The following SLC13A3 variants were observed in gnomAD, a reference collection of about 807,000 sequenced individuals.
The protein encoded by SLC13A3 is Na(+)/dicarboxylate cotransporter 3.
In SLC13A3, 40 loss-of-function variants were observed where a neutral mutation model predicts 59.0. The observed-to-expected ratio is 0.68, with a 90% CI of 0.53 to 0.88. The LOEUF (loss-of-function observed/expected upper bound fraction) is 0.88. Ranked by LOEUF, SLC13A3 falls within the 40% of genes least tolerant of loss-of-function variation. SLC13A3 has a pLI of 0.00. For missense variants in SLC13A3, 699 were observed against 783.2 expected, an observed-to-expected ratio of 0.89 and a Z score of 1.28; for synonymous variants, 317 against 330.3, an observed-to-expected ratio of 0.96 and a Z score of 0.44.
upstream of SLC13A3, among the ~76,000 whole-genome samples, chr20:46,652,249 T>G (rs2062956852): frequency 6.6e-6 from 1 of 152,168 alleles, no homozygotes; most frequent in Non-Finnish European, 1.5e-5. Context: ...AGTTAAATTT[T>G]TAAAAATAGT....
intron 1 of SLC13A3, among the ~76,000 whole-genome samples, chr20:46,635,155 TG>T (rs2062783515): frequency 6.6e-6 from 1 of 152,300 alleles, no homozygotes; most frequent in Non-Finnish European, 1.5e-5. Flanking sequence ...ACACTTGCCA[TG>T]CTCCCACCCT....
intron 1 of SLC13A3, among the ~76,000 whole-genome samples, chr20:46,645,298 T>A (rs749635262): frequency 2.0e-5 from 3 of 152,242 alleles, no homozygotes; most frequent in Non-Finnish European, 4.4e-5. Flanking sequence ...TAATCACACC[T>A]GGAAAGTCCC....
intron 1 of SLC13A3, among the ~76,000 whole-genome samples, chr20:46,650,625 C>T (rs1255748308): frequency 2.6e-5 from 4 of 152,186 alleles, no homozygotes; most frequent in African/African-American, 7.2e-5. Context: ...ACTATCATTT[C>T]TCCCATTTTT....
At chr20:46,654,442 C>T (rs1243710768), upstream of SLC13A3, among the ~76,000 whole-genome samples, 1 of 152,200 alleles carries the variant, frequency 6.6e-6, no homozygotes, top group Admixed American at 6.5e-5. Context: ...CTTTGCCTTA[C>T]CCAGTTTAAA....
At chr20:46,569,392 G>T (rs2062010399) in intron 10 of SLC13A3, among the ~76,000 whole-genome samples, 1 of 152,212 alleles carries the variant, frequency 6.6e-6, no homozygotes, top group Non-Finnish European at 1.5e-5. Context: ...GCCAAGGTCA[G>T]AGGTGGCATG....
intron 1 of SLC13A3, among the ~76,000 whole-genome samples, chr20:46,619,870 G>A (rs537346203): frequency 5.9e-5 from 9 of 152,226 alleles, no homozygotes; most frequent in South Asian, 2.1e-4. Context: ...ACAGCACAGC[G>A]GTTAAGAACA....
Position 46,588,044 on chromosome 20 carries a change from T to A in SLC13A3, c.1121+15A>T. On this transcript the variant is annotated intron_variant, in intron 8 of 12. Coordinates refer to ENST00000279027, the MANE Select transcript of SLC13A3 (RefSeq NM_022829.6). The stretch of plus-strand genomic sequence containing the variant: ...TCCCTGTTGGACTCCTCCCTGTGGG[T>A]CCCCAGAGTCTCACCCAGGATTGAA... 2.6e-6 allele frequency: 4 copies of A among 1,532,176 alleles called. No individual in the cohort carries two copies. Among genetic ancestry groups the A allele is most frequent in the Non-Finnish European group, 3.6e-6 (4 of 1,115,550 alleles). 94.9% of individuals were successfully genotyped at this position (1,532,176 alleles called of 1,614,324 possible). A position where few individuals can be genotyped will look rare whatever the true frequency, so the allele number is the denominator to read the frequency against.
intron 2 of SLC13A3, among the ~76,000 whole-genome samples, chr20:46,612,606 TC>T (rs1417056236): frequency 3.0e-4 from 21 of 70,482 alleles, no homozygotes; most frequent in Admixed American, 1.9e-3. Flanking sequence ...GTGTCTGTGT[TC>T]AAAAAAAAAA....
rs117914237 is a variant in SLC13A3, at chr20:46,576,232, T to C, written c.1220-547A>G. Among the ~76,000 whole-genome samples, 249 of 152,264 alleles carry C rather than the reference T, an allele frequency of 1.6e-3. 1 individual carries two copies. The East Asian group carries it at 0.044, about 27-fold the overall frequency. On this transcript the variant is annotated intron_variant, in intron 9 of 12. Coordinates refer to ENST00000279027, the MANE Select transcript of SLC13A3 (RefSeq NM_022829.6). ...GGCTTTGCAGGCCACACAGTCTCTG[T>C]TGTCACTACTCCGTCGTTGTAGCAT...
intron 1 of SLC13A3, among the ~76,000 whole-genome samples, chr20:46,675,339 C>T (rs1239817226): frequency 6.6e-6 from 1 of 151,830 alleles, no homozygotes; most frequent in Non-Finnish European, 1.5e-5. Context: ...AAGCAATTCT[C>T]CTGCCTCAGC....
chr20:46,581,698 A>C (rs760135515), intron 9 of SLC13A3, among the ~76,000 whole-genome samples: 2 of 152,208 alleles, frequency 1.3e-5, no homozygotes, highest in Non-Finnish European at 2.9e-5. Context: ...AATAGAAAAC[A>C]TGAGGAAGTG....
intron 1 of SLC13A3, among the ~76,000 whole-genome samples, chr20:46,618,380 A>G (rs1001194094): frequency 5.3e-5 from 8 of 152,222 alleles, no homozygotes; most frequent in African/African-American, 1.9e-4. Flanking sequence ...GGTGAAAGGC[A>G]GCTGTGTCAG....
chr20:46,658,385 G>A (rs2122906196), intron 1 of SLC13A3, among the ~76,000 whole-genome samples: 1 of 152,304 alleles, frequency 6.6e-6, no homozygotes, highest in East Asian at 1.9e-4. Flanking sequence ...ATGAGGAAAT[G>A]TATAGGGTGA....
chr20:46,589,344 C>T (rs2097596627), intron 6 of SLC13A3, 89 bp from the exon 7 acceptor site: 5 of 1,051,870 alleles, frequency 4.8e-6, no homozygotes, highest in Non-Finnish European at 7.3e-6. Context: ...GACCAAGCCA[C>T]ATCCTCTCTG....
intron 1 of SLC13A3, among the ~76,000 whole-genome samples, chr20:46,615,600 T>C (rs2062546954): frequency 6.6e-6 from 1 of 152,190 alleles, no homozygotes; most frequent in South Asian, 2.1e-4. Context: ...TGTTGTGATA[T>C]GTGAGGCAAA....
At position 46,592,539 on chromosome 20, in the gene SLC13A3, A is replaced by G. The variant is rs2122681951; in HGVS notation, c.795-10T>C. On this transcript the variant is annotated splice_polypyrimidine_tract_variant and intron_variant, in intron 5 of 12. Transcript: ENST00000279027. ...ACACTGCGGAAAGAAACTGGAGAAC[A>G]GCGGGAGATGAGAACAGGCCAAGGG... 6.2e-7 allele frequency: 1 copy of G among 1,613,140 alleles called. No homozygotes were observed. The highest frequency in any genetic ancestry group is 2.2e-5 in the East Asian group (1 of 44,842).
intron 1 of SLC13A3, among the ~76,000 whole-genome samples, chr20:46,634,608 G>A (rs1460015669): frequency 6.6e-6 from 1 of 152,064 alleles, no homozygotes; most frequent in Non-Finnish European, 1.5e-5. Context: ...AGTTCTTGGA[G>A]CCATTCATTA....
At chr20:46,583,502 C>T (rs2062159512) in intron 9 of SLC13A3, 70 bp downstream of exon 9, 2 of 1,583,388 alleles carry the variant, frequency 1.3e-6, no homozygotes, top group Non-Finnish European at 1.7e-6. Context: ...GGGCTCCAGG[C>T]CCTTGATGAC....
At chr20:46,597,388 A>AAAACAG (rs1245405173) in intron 4 of SLC13A3, among the ~76,000 whole-genome samples, 1 of 152,210 alleles carries the variant, frequency 6.6e-6, no homozygotes, top group East Asian at 1.9e-4. Context: ...AGCAGGTTAC[A>AAAACAG]AAACAGCGTA....
Sources: gnomAD v4.1 joint callset for allele counts (sites outside exome capture counted in the v4.1 genomes callset) on GRCh38, gnomAD v4.1.1 for gene constraint, MANE v1.5 for transcripts, NCBI Gene and HGNC (gene_info 2026-07-23, HGNC 2026-07-21) for gene names.